The following MYL11 variants were observed in gnomAD, a reference collection of about 807,000 sequenced individuals.
MYL11 encodes the protein myosin regulatory light chain 11.
chr16:30,371,782 G>A, the MYL11 span, among the ~76,000 whole-genome samples: 1 of 152,038 alleles, frequency 6.6e-6, no homozygotes, highest in Non-Finnish European at 1.5e-5. Context: ...ATCCCTCTGT[G>A]CTCCTCATGT....
chr16:30,376,764 G>A, the MYL11 span: 3 of 1,490,978 alleles, frequency 2.0e-6, no homozygotes, highest in African/African-American at 1.4e-5. Flanking sequence ...CACACTGACA[G>A]CCTCCTTAAA....
the MYL11 span, chr16:30,377,739 G>A: frequency 1.3e-6 from 2 of 1,581,038 alleles, no homozygotes; most frequent in South Asian, 1.1e-5. Flanking sequence ...AGCAGCAAAG[G>A]GGCTGGGGCC....
the MYL11 span, chr16:30,377,649 T>A: frequency 6.6e-7 from 1 of 1,507,750 alleles, no homozygotes; most frequent in Non-Finnish European, 8.9e-7. Flanking sequence ...GTCACCTCTC[T>A]CCAGCCTGGA....
chr16:30,377,806 T>C, the MYL11 span: 14 of 1,614,016 alleles, frequency 8.7e-6, 1 homozygote, highest in South Asian at 5.5e-5. Flanking sequence ...ATCAAGAACA[T>C]GTGGGCGGCC....
chr16:30,375,788 A>C, the MYL11 span: 2 of 1,578,174 alleles, frequency 1.3e-6, no homozygotes, highest in Admixed American at 3.4e-5. Context: ...GGACTGGTCC[A>C]TGGGCCCCTT....
chr16:30,371,484 G>A, the MYL11 span, among the ~76,000 whole-genome samples: 773 of 152,198 alleles, frequency 5.1e-3, 5 homozygotes, highest in South Asian at 0.037. Context: ...AATAGCCAGA[G>A]CCCCCAGATC....
the MYL11 span, chr16:30,377,890 A>G: frequency 6.2e-7 from 1 of 1,611,158 alleles, no homozygotes; most frequent in African/African-American, 1.3e-5. Flanking sequence ...GACGCCAAGG[A>G]CCAGGAGTAG....
chr16:30,373,999 G>A, the MYL11 span, among the ~76,000 whole-genome samples: 5 of 151,722 alleles, frequency 3.3e-5, no homozygotes, highest in Non-Finnish European at 7.4e-5. Flanking sequence ...ATGTTTACTG[G>A]GTTTATTTTA....
the MYL11 span, chr16:30,374,733 A>T: frequency 7.7e-7 from 1 of 1,298,128 alleles, no homozygotes; most frequent in Middle Eastern, 2.3e-4. Context: ...CGCAGGGCTA[A>T]GGTTACCTTG....
At chr16:30,376,994 T>C in the MYL11 span, among the ~76,000 whole-genome samples, 1 of 152,052 alleles carries the variant, frequency 6.6e-6, no homozygotes, top group Non-Finnish European at 1.5e-5. Flanking sequence ...GGGCGGATCA[T>C]GTGAGGTCAG....
chr16:30,373,325 G>A, the MYL11 span, among the ~76,000 whole-genome samples: 1 of 152,204 alleles, frequency 6.6e-6, no homozygotes, highest in African/African-American at 2.4e-5. Context: ...GCCGGGCACG[G>A]TGGCTCACGC....
At chr16:30,377,551 G>A in the MYL11 span, 1 of 1,254,140 alleles carries the variant, frequency 8.0e-7, no homozygotes, top group East Asian at 2.7e-5. Flanking sequence ...AGAGTGACCT[G>A]GGTTTTCAGG....
chr16:30,377,848 A>T, the MYL11 span: 3 of 1,614,162 alleles, frequency 1.9e-6, no homozygotes, highest in Non-Finnish European at 2.5e-6. Context: ...AACGTCGACT[A>T]CAAAAACATC....
chr16:30,375,380 G>A, the MYL11 span, among the ~76,000 whole-genome samples: 56 of 151,320 alleles, frequency 3.7e-4, 3 homozygotes, highest in African/African-American at 9.3e-4. Context: ...CATAAGAATC[G>A]CTTGAACCCG....
At chr16:30,376,680 G>A in the MYL11 span, 6 of 1,613,960 alleles carry the variant, frequency 3.7e-6, no homozygotes, top group South Asian at 5.5e-5. Context: ...GAGGGAAAGG[G>A]CACCATCAAG....
At chr16:30,371,176 C>T in the MYL11 span, among the ~76,000 whole-genome samples, 3 of 152,176 alleles carry the variant, frequency 2.0e-5, no homozygotes, top group African/African-American at 7.2e-5. Context: ...GGTGCCAGCC[C>T]AGGGATAGTC....
chr16:30,373,907 T>A, the MYL11 span, among the ~76,000 whole-genome samples: 2 of 152,098 alleles, frequency 1.3e-5, no homozygotes, highest in African/African-American at 2.4e-5. Flanking sequence ...AACTCCACCA[T>A]GTGGGGGTGG....
the MYL11 span, among the ~76,000 whole-genome samples, chr16:30,377,023 G>A: frequency 1.3e-5 from 2 of 152,118 alleles, no homozygotes. Context: ...GAACAGCCTG[G>A]CCAACACGGT....
the MYL11 span, among the ~76,000 whole-genome samples, chr16:30,374,418 A>T: frequency 6.6e-6 from 1 of 151,906 alleles, no homozygotes; most frequent in African/African-American, 2.4e-5. Flanking sequence ...AAGTGCTGGG[A>T]TTACAGGTGT....
Sources: allele counts gnomAD v4.1 joint callset (sites outside exome capture counted in the v4.1 genomes callset), GRCh38; gene constraint gnomAD v4.1.1; transcripts MANE v1.5; gene names NCBI Gene and HGNC (gene_info 2026-07-23, HGNC 2026-07-21).